The following WDR27 variants were observed in gnomAD, a reference collection of about 807,000 sequenced individuals.
The protein encoded by WDR27 is WD repeat domain 27.
Under a neutral mutation model 114.4 loss-of-function variants are expected in WDR27, and 100 were observed. The ratio of observed to expected loss-of-function variants is 0.87; its 90% CI spans 0.74 to 1.03. WDR27 has a LOEUF of 1.03. WDR27 is among the 50% of genes least tolerant of loss of function. The pLI is 0.00. For missense variants in WDR27, 1,129 were observed against 1,092.9 expected, an observed-to-expected ratio of 1.03 and a Z score of -0.47; for synonymous variants, 449 against 423.1, an observed-to-expected ratio of 1.06 and a Z score of -0.75.
At chr6:169,543,979 T>G (rs1024075812) in intron 25 of WDR27, among the ~76,000 whole-genome samples, 2 of 152,310 alleles carry the variant, frequency 1.3e-5, no homozygotes, top group Non-Finnish European at 2.9e-5. Flanking sequence ...AACATCACAG[T>G]TGACCACATC....
At chr6:169,491,021 G>A (rs1159690955) in intron 25 of WDR27, among the ~76,000 whole-genome samples, 1 of 152,104 alleles carries the variant, frequency 6.6e-6, no homozygotes, top group Non-Finnish European at 1.5e-5. Flanking sequence ...ACAGAAAAAC[G>A]TGGACTTACG....
At chr6:169,543,838 G>GT (rs1797113060) in intron 25 of WDR27, among the ~76,000 whole-genome samples, 2 of 152,124 alleles carry the variant, frequency 1.3e-5, no homozygotes, top group Admixed American at 1.3e-4. Flanking sequence ...ATCTACTGGT[G>GT]TATCTTCCAC....
At chr6:169,487,961 ACT>A (rs1046225359) in intron 25 of WDR27, among the ~76,000 whole-genome samples, 5 of 152,092 alleles carry the variant, frequency 3.3e-5, no homozygotes, top group Non-Finnish European at 5.9e-5. Context: ...CAGACACAGC[ACT>A]CTCTCTATTC....
At chr6:169,677,672 C>G (rs1442277443) in intron 2 of WDR27, among the ~76,000 whole-genome samples, 1 of 152,214 alleles carries the variant, frequency 6.6e-6, no homozygotes, top group African/African-American at 2.4e-5. Flanking sequence ...GAAAGGCCTC[C>G]AAGACATTCC....
chr6:169,687,242 A>G (rs374730261), intron 2 of WDR27, among the ~76,000 whole-genome samples: 10 of 152,156 alleles, frequency 6.6e-5, no homozygotes, highest in South Asian at 4.1e-4. Flanking sequence ...AAAATATTAC[A>G]TATACCCCCA....
chr6:169,518,872 C>T (rs1326184965), intron 25 of WDR27, among the ~76,000 whole-genome samples: 2 of 152,204 alleles, frequency 1.3e-5, no homozygotes, highest in African/African-American at 4.8e-5. Context: ...TTCTCTGCTC[C>T]CGCATCTGAC....
chr6:169,429,677 A>G, the WDR27 span, among the ~76,000 whole-genome samples: 2 of 152,152 alleles, frequency 1.3e-5, no homozygotes, highest in Non-Finnish European at 2.9e-5. Context: ...ACATGGGAGC[A>G]GGCATTTCAA....
intron 25 of WDR27, among the ~76,000 whole-genome samples, chr6:169,459,086 T>A (rs1235701021): frequency 6.6e-6 from 1 of 152,156 alleles, no homozygotes; most frequent in East Asian, 1.9e-4. Flanking sequence ...GTATGGCCTA[T>A]TCAGAGGAAA....
chr6:169,653,489 G>A (rs1482988797), intron 13 of WDR27, among the ~76,000 whole-genome samples: 1 of 152,048 alleles, frequency 6.6e-6, no homozygotes, highest in Non-Finnish European at 1.5e-5. Context: ...ACAAAAATCA[G>A]TCTTTACCAC....
rs547398806 is a variant in WDR27, at chr6:169,582,873, G to C, written c.2486C>G (p.Thr829Ser). Residue 829 changes from threonine (T) to serine (S), a missense_variant, in exon 24 of 26, where the codon ACT becomes AGT. Thr to Ser is a moderately conservative substitution (Grantham distance 58). Transcript: ENST00000448612. Reference sequence around the variant, plus strand: ...TGGGTTGAAGGCCACTCCAGTGACAGTGTCTGTGTGCCCAGCCAGCCGGTG... The same window carrying C: ...TGGGTTGAAGGCCACTCCAGTGACACTGTCTGTGTGCCCAGCCAGCCGGTG... The part of the protein sequence containing the change: ...FSHRLAGHTD[T>S]VTGVAFNPSA... 1.2e-6 allele frequency: 2 copies of C among 1,613,958 alleles called. No homozygotes were observed. The highest frequency in any genetic ancestry group is 2.2e-5 in the South Asian group (2 of 91,046).
chr6:169,701,855 G>A lies in WDR27; in HGVS notation c.-312C>T. ...CTCCAGCCCTGCGCCCTAGGCACACGCCCCAGAGCAGCAGCTCGGGTTCGG... is the reference window on the plus strand; with the variant it reads ...CTCCAGCCCTGCGCCCTAGGCACACACCCCAGAGCAGCAGCTCGGGTTCGG... On this transcript the variant is annotated 5_prime_UTR_variant, in exon 1 of 26. Coordinates refer to ENST00000448612, the MANE Select transcript of WDR27 (RefSeq NM_182552.5). 1 of 321,358 alleles carries A rather than the reference G, an allele frequency of 3.1e-6. No individual in the cohort carries two copies. Among genetic ancestry groups the A allele is most frequent in the Non-Finnish European group, 6.1e-6 (1 of 164,754 alleles). The allele number at this position is 321,358 out of a possible 1,614,324, so 19.9% of individuals were successfully genotyped here.
chr6:169,459,217 G>A lies in WDR27; in HGVS notation c.2646-1583C>T, dbSNP rs149376869. Reference sequence around the variant, plus strand: ...CAATTAAGAGAGATGTGGATAAAGTGAGGAAAATTATGTATGAACAAAATG... The same window carrying A: ...CAATTAAGAGAGATGTGGATAAAGTAAGGAAAATTATGTATGAACAAAATG... On this transcript the variant is annotated intron_variant, in intron 25 of 25. Coordinates refer to ENST00000448612, the MANE Select transcript of WDR27 (RefSeq NM_182552.5). Among the ~76,000 whole-genome samples the A allele has an allele frequency of 3.8e-3, 585 of 152,200 alleles. 4 individuals carry two copies. The highest frequency in any genetic ancestry group is 0.013 in the African/African-American group (547 of 41,540).
intron 25 of WDR27, among the ~76,000 whole-genome samples, chr6:169,535,213 T>C (rs1000784286): frequency 6.6e-6 from 1 of 152,216 alleles, no homozygotes; most frequent in Non-Finnish European, 1.5e-5. Flanking sequence ...CCTTTCATTG[T>C]TTGATACCTA....
At chr6:169,457,673 C>T in intron 25 of WDR27, 39 bp from the exon 26 acceptor site, 2 of 1,494,340 alleles carry the variant, frequency 1.3e-6, no homozygotes, top group Non-Finnish European at 1.8e-6. Flanking sequence ...TTCCAATCGC[C>T]TTTTATTAAT....
At chr6:169,466,250 T>G (rs981242666) in intron 25 of WDR27, among the ~76,000 whole-genome samples, 2 of 152,068 alleles carry the variant, frequency 1.3e-5, no homozygotes, top group Non-Finnish European at 2.9e-5. Context: ...TAAGGCCAGC[T>G]CTCTTATATG....
At chr6:169,652,538 T>C (rs961648632) in intron 13 of WDR27, among the ~76,000 whole-genome samples, 14 of 152,248 alleles carry the variant, frequency 9.2e-5, no homozygotes, top group African/African-American at 3.1e-4. Flanking sequence ...TGAGCCACTA[T>C]GCCCGGCCTA....
chr6:169,698,582 G>C (rs770584091), intron 1 of WDR27, among the ~76,000 whole-genome samples: 1 of 152,188 alleles, frequency 6.6e-6, no homozygotes, highest in Non-Finnish European at 1.5e-5. Context: ...TCTGTGGTCT[G>C]GCAGTTTTCC....
chr6:169,499,290 C>T lies in WDR27; in HGVS notation c.2646-41656G>A, dbSNP rs1045491704. The stretch of plus-strand genomic sequence containing the variant: ...GCAGAAGGCTACACACGCGGAGCTG[C>T]GCTGTTCCCAATGCACACTGCAGGG... On this transcript the variant is annotated intron_variant, in intron 25 of 25. Transcript: ENST00000448612. 4.6e-5 allele frequency among the ~76,000 whole-genome samples: 7 copies of T among 152,336 alleles called. No homozygotes were observed. The East Asian group carries it at 1.2e-3, about 25-fold the overall frequency.
chr6:169,584,372 G>A (rs1804150740), intron 23 of WDR27, among the ~76,000 whole-genome samples: 1 of 152,154 alleles, frequency 6.6e-6, no homozygotes, highest in African/African-American at 2.4e-5. Flanking sequence ...TGTGACTAAT[G>A]CTAATGAACA....
Sources: allele counts gnomAD v4.1 joint callset (sites outside exome capture counted in the v4.1 genomes callset), GRCh38; gene constraint gnomAD v4.1.1; transcripts MANE v1.5; gene names NCBI Gene and HGNC (gene_info 2026-07-23, HGNC 2026-07-21).